ADCK1: variants seen among roughly 807,000 people sequenced by gnomAD.
ADCK1 encodes the protein aarF domain-containing protein kinase 1.
Under a neutral mutation model 52.3 loss-of-function variants are expected in ADCK1, and 41 were observed. That is an observed-to-expected ratio of 0.78 (90% CI 0.61 to 1.02). The LOEUF is 1.02. ADCK1 is among the 50% of genes least tolerant of loss of function. The probability of loss-of-function intolerance (pLI) is 0.00; values close to 1 mark genes in which losing one functional copy is unlikely to be tolerated. For synonymous variants in ADCK1, 250 were observed against 274.6 expected (o/e 0.91, Z 0.89); for missense variants, 658 against 679.5 (o/e 0.97, Z 0.35).
chr14:77,822,085 G>A (rs146546258), intron 2 of ADCK1, among the ~76,000 whole-genome samples: 187 of 152,264 alleles, frequency 1.2e-3, no homozygotes, highest in African/African-American at 4.1e-3. Context: ...ACAAGCCCCC[G>A]TGCTTCTAGA....
At chr14:77,920,658 A>G (rs2084027641) in intron 7 of ADCK1, among the ~76,000 whole-genome samples, 1 of 152,112 alleles carries the variant, frequency 6.6e-6, no homozygotes. Context: ...CTTTTAATTT[A>G]TGTATTTAGA....
chr14:77,924,520 G>A lies in ADCK1; in HGVS notation c.922G>A (p.Asp308Asn), dbSNP rs759350610. 32 of 1,613,996 alleles carry A rather than the reference G, an allele frequency of 2.0e-5. No individual in the cohort carries two copies. The highest frequency in any genetic ancestry group is 1.9e-4 in the African/African-American group (14 of 74,942). Residue 308 changes from aspartate to asparagine, a missense_variant, in exon 8 of 11, where the codon GAT becomes AAT. Asp to Asn is a conservative substitution (Grantham distance 23). Coordinates refer to ENST00000238561, the MANE Select transcript of ADCK1 (RefSeq NM_020421.4). ...CTTCGTCAATGGCTTCGTGCACTGC[G>A]ATCCCCACCCCGGCAATGTACTGGT... ...MIFVNGFVHC[D>N]PHPGNVLVRK...
At chr14:77,851,153 T>G (rs981149660) in intron 3 of ADCK1, among the ~76,000 whole-genome samples, 4 of 151,716 alleles carry the variant, frequency 2.6e-5, no homozygotes, top group African/African-American at 9.7e-5. Flanking sequence ...AGTCTTGCTC[T>G]GTTGCCCAGG....
chr14:77,813,928 C>T (rs556148910), intron 1 of ADCK1, among the ~76,000 whole-genome samples: 5 of 152,050 alleles, frequency 3.3e-5, no homozygotes, highest in South Asian at 2.1e-4. Context: ...CCACAACACC[C>T]GGCTAACTTT....
intron 7 of ADCK1, among the ~76,000 whole-genome samples, chr14:77,921,963 A>AT (rs2084072526): frequency 6.6e-6 from 1 of 152,070 alleles, no homozygotes; most frequent in Non-Finnish European, 1.5e-5. Flanking sequence ...CATTTCTCTC[A>AT]TTTTTTGGCT....
chr14:77,845,648 T>C (rs4519274), intron 3 of ADCK1, among the ~76,000 whole-genome samples: 130,229 of 152,088 alleles, frequency 0.86, 55,895 homozygotes, highest in Middle Eastern at 0.93. Flanking sequence ...TGGTCTCGAG[T>C]TCCTGGCCTC....
chr14:77,885,999 A>G (rs1201839903), intron 4 of ADCK1, among the ~76,000 whole-genome samples: 1 of 152,192 alleles, frequency 6.6e-6, no homozygotes, highest in Non-Finnish European at 1.5e-5. Context: ...GAAGGAAGAA[A>G]GAAGAAGGAA....
rs2084418269 is a variant in ADCK1 at position 77,934,994 on chromosome 14, A to G, written c.*1603A>G. The G allele has an allele frequency of 6.6e-6, 1 of 152,252 alleles. No individual in the cohort carries two copies. The allele number at this position is 152,252 out of a possible 1,614,324, so 9.4% of individuals were successfully genotyped here. A position where few individuals can be genotyped will look rare whatever the true frequency, so the allele number is the denominator to read the frequency against. On this transcript the variant is annotated 3_prime_UTR_variant, in exon 11 of 11. Transcript: ENST00000238561. ...GTCTTTTATAGCCACTGAAGTAAAT[A>G]TAAATGTCCTTTCTGTTCAAGGTCA... is the stretch of plus-strand genomic sequence containing the variant.
intron 3 of ADCK1, among the ~76,000 whole-genome samples, chr14:77,854,255 G>A (rs2082370301): frequency 6.6e-6 from 1 of 152,134 alleles, no homozygotes; most frequent in Non-Finnish European, 1.5e-5. Context: ...AGTTTGAAGA[G>A]CCTGTTGGAT....
intron 1 of ADCK1, among the ~76,000 whole-genome samples, chr14:77,805,562 A>C (rs1179427453): frequency 1.3e-5 from 2 of 152,200 alleles, no homozygotes; most frequent in African/African-American, 2.4e-5. Flanking sequence ...GTGCTGGCCC[A>C]AAAATTACTC....
chr14:77,826,303 G>T (rs1479457778), intron 3 of ADCK1, among the ~76,000 whole-genome samples: 1 of 152,210 alleles, frequency 6.6e-6, no homozygotes, highest in South Asian at 2.1e-4. Context: ...TGAGTGAAGG[G>T]TAAAACATAG....
chr14:77,896,831 A>C (rs1039512200), intron 5 of ADCK1, among the ~76,000 whole-genome samples: 5 of 152,254 alleles, frequency 3.3e-5, no homozygotes, highest in Non-Finnish European at 7.3e-5. Flanking sequence ...AAAAGAAATT[A>C]AACTACAGCC....
At chr14:77,876,412 G>C (rs571471729) in intron 4 of ADCK1, among the ~76,000 whole-genome samples, 1 of 152,202 alleles carries the variant, frequency 6.6e-6, no homozygotes, top group East Asian at 1.9e-4. Context: ...TTGATATTGG[G>C]CCCACCTGGA....
intron 6 of ADCK1, chr14:77,900,522 CGTT>C (rs1566717329): frequency 4.5e-6 from 2 of 442,912 alleles, no homozygotes; most frequent in Non-Finnish European, 9.0e-6. Context: ...AGGAGGCAGA[CGTT>C]GTAGTGAGCT....
intron 1 of ADCK1, among the ~76,000 whole-genome samples, chr14:77,818,537 C>T (rs1057003504): frequency 6.6e-6 from 1 of 152,170 alleles, no homozygotes; most frequent in Admixed American, 6.5e-5. Context: ...ACACCTTGGC[C>T]TCCTAAAGTG....
chr14:77,897,473 G>A (rs937872190), intron 5 of ADCK1, among the ~76,000 whole-genome samples: 10 of 152,164 alleles, frequency 6.6e-5, no homozygotes, highest in South Asian at 4.1e-4. Flanking sequence ...GTGGTATGCT[G>A]TGCACAGATC....
chr14:77,907,937 G>A lies in ADCK1; in HGVS notation c.858+18G>A, dbSNP rs2083705242. On this transcript the variant is annotated intron_variant, in intron 7 of 10. Transcript: ENST00000238561. ...TCAATGAGGTGAGGTCAAGAGCTCA[G>A]GGCTGCTGTGCCGGGGAACGTGGGC... 6.2e-7 allele frequency: 1 copy of A among 1,608,006 alleles called. No homozygotes were observed. The highest frequency in any genetic ancestry group is 1.3e-5 in the African/African-American group (1 of 74,818).
chr14:77,867,725 C>A (rs2082692492), intron 4 of ADCK1, among the ~76,000 whole-genome samples: 1 of 152,194 alleles, frequency 6.6e-6, no homozygotes, highest in Non-Finnish European at 1.5e-5. Context: ...CTCCTGCAGG[C>A]CTGTACCCTG....
At chr14:77,822,346 G>A (rs866451463) in intron 2 of ADCK1, 89 bp from the exon 3 acceptor site, 23 of 1,018,924 alleles carry the variant, frequency 2.3e-5, no homozygotes, top group Non-Finnish European at 3.6e-5. Context: ...CATAGCAGCT[G>A]TGTCAGGGAC....
Sources: gnomAD v4.1 joint callset for allele counts (sites outside exome capture counted in the v4.1 genomes callset) on GRCh38, gnomAD v4.1.1 for gene constraint, MANE v1.5 for transcripts, NCBI Gene and HGNC (gene_info 2026-07-23, HGNC 2026-07-21) for gene names.